The following COL9A1 variants were observed in gnomAD, a reference collection of about 807,000 sequenced individuals.
COL9A1 encodes collagen type IX alpha 1 chain.
COL9A1 carries 104 observed loss-of-function variants against 142.6 expected under a neutral mutation model. The ratio of observed to expected loss-of-function variants is 0.73; its 90% CI spans 0.62 to 0.86. The LOEUF (loss-of-function observed/expected upper bound fraction) is 0.86. Among genes scored for constraint, COL9A1 ranks in the 40% least tolerant of loss-of-function variants. COL9A1 has a pLI of 0.00. For synonymous variants in COL9A1, 466 were observed against 396.0 expected, an observed-to-expected ratio of 1.18 and a Z score of -2.10; for missense variants, 1,210 against 1,176.6, an observed-to-expected ratio of 1.03 and a Z score of -0.42.
At chr6:70,257,520 G>C (rs976933578) in intron 20 of COL9A1, among the ~76,000 whole-genome samples, 5 of 152,242 alleles carry the variant, frequency 3.3e-5, no homozygotes, top group Non-Finnish European at 7.4e-5. Context: ...ACCGCCAGGT[G>C]GGGGGATCAC....
At chr6:70,224,937 C>T (rs1562286436) in intron 37 of COL9A1, among the ~76,000 whole-genome samples, 1 of 152,134 alleles carries the variant, frequency 6.6e-6, no homozygotes, top group Non-Finnish European at 1.5e-5. Context: ...TCCCCAGAAG[C>T]AATGAAATGG....
At chr6:70,254,233 A>G (rs1771126190) in intron 25 of COL9A1, among the ~76,000 whole-genome samples, 2 of 152,216 alleles carry the variant, frequency 1.3e-5, no homozygotes, top group Non-Finnish European at 2.9e-5. Flanking sequence ...GACTGAGTAA[A>G]CTAAAGAGAG....
intron 28 of COL9A1, among the ~76,000 whole-genome samples, chr6:70,251,558 A>G (rs1266527516): frequency 6.6e-6 from 1 of 152,204 alleles, no homozygotes; most frequent in Admixed American, 6.5e-5. Context: ...TAAAAAATTA[A>G]CTATTTATTT....
At chr6:70,264,012 T>C (rs1264117265) in intron 18 of COL9A1, among the ~76,000 whole-genome samples, 1 of 151,938 alleles carries the variant, frequency 6.6e-6, no homozygotes, top group Non-Finnish European at 1.5e-5. Context: ...TAATAGATTC[T>C]CTCCACACAG....
intron 33 of COL9A1, among the ~76,000 whole-genome samples, chr6:70,236,127 A>C (rs955842839): frequency 1.3e-5 from 2 of 150,970 alleles, no homozygotes; most frequent in Non-Finnish European, 1.5e-5. Flanking sequence ...AAAAAAAAAA[A>C]AAAAAAAAAA....
At chr6:70,294,040 C>G in intron 5 of COL9A1, 127 bp downstream of exon 5, 2 of 1,304,036 alleles carry the variant, frequency 1.5e-6, no homozygotes, top group Non-Finnish European at 2.2e-6. Flanking sequence ...ATCTACTTAA[C>G]TTCCTCTGAT....
intron 20 of COL9A1, chr6:70,258,651 A>C (rs1771482899): frequency 6.7e-6 from 1 of 148,946 alleles, no homozygotes; most frequent in African/African-American, 2.4e-5. Flanking sequence ...CGTGGCTTTG[A>C]TGCACTCTCT....
chr6:70,265,921 T>A (rs931775506), intron 18 of COL9A1, among the ~76,000 whole-genome samples: 1 of 152,126 alleles, frequency 6.6e-6, no homozygotes, highest in Admixed American at 6.5e-5. Context: ...TAGACTAACC[T>A]TCTATCACTA....
At chr6:70,244,548 TTAA>T (rs1286617773) in intron 28 of COL9A1, among the ~76,000 whole-genome samples, 1 of 152,188 alleles carries the variant, frequency 6.6e-6, no homozygotes, top group Non-Finnish European at 1.5e-5. Context: ...CACAGAACAA[TTAA>T]TAGTAATTGG....
chr6:70,282,751 C>A, intron 7 of COL9A1, 147 bp downstream of exon 7: 1 of 1,229,226 alleles, frequency 8.1e-7, no homozygotes, highest in East Asian at 2.5e-5. Flanking sequence ...CGATAGGACT[C>A]GCGGCAGGTG....
intron 20 of COL9A1, among the ~76,000 whole-genome samples, chr6:70,257,259 C>T (rs1359683580): frequency 6.6e-6 from 1 of 151,954 alleles, no homozygotes; most frequent in African/African-American, 2.4e-5. Flanking sequence ...TGGGATTTCA[C>T]CATGTTGGCC....
chr6:70,300,050 G>C lies in COL9A1; in HGVS notation c.292C>G (p.Pro98Ala). ...KLGNNVDFRI[P>A]TRNLYPSGLP... ...ATATTTTTGATAGATTACCTAGTTG[G>C]AATCCTGAAGTCTACATTATTTCCC... The change falls in exon 4 of 38, where the codon CCA becomes GCA. Residue 98 changes from proline to alanine, a missense_variant. By Grantham distance (27) the Pro-to-Ala change is conservative. Coordinates refer to ENST00000357250, the MANE Select transcript of COL9A1 (RefSeq NM_001851.6). The C allele has an allele frequency of 6.2e-7, 1 of 1,613,630 alleles. No individual in the cohort carries two copies. Among genetic ancestry groups the C allele is most frequent in the Non-Finnish European group, 8.5e-7 (1 of 1,179,700 alleles).
chr6:70,294,437 A>G lies in COL9A1; in HGVS notation c.426T>C (p.Val142=). ...GTGTTTGGCCATTAATCTTTATGCC[A>G]ACTTGCTCCTTCCCAGAGGAATCCT... ...QIQDSSGKEQ[V]GIKINGQTQS... The change falls in exon 5 of 38, where the codon GTT becomes GTC. Residue 142 remains valine (V), a synonymous_variant. Coordinates refer to ENST00000357250, the MANE Select transcript of COL9A1 (RefSeq NM_001851.6). 6.2e-7 allele frequency: 1 copy of G among 1,614,110 alleles called. No individual in the cohort carries two copies.
At position 70,242,704 on chromosome 6, in the gene COL9A1, T is replaced by G; in HGVS notation, c.1884A>C (p.Gly628=). 6.2e-7 allele frequency: 1 copy of G among 1,614,134 alleles called. No individual in the cohort carries two copies. Among genetic ancestry groups the G allele is most frequent in the East Asian group, 2.2e-5 (1 of 44,878 alleles). Residue 628 remains glycine, a synonymous_variant, in exon 29 of 38, where the codon GGA becomes GGC. Transcript: ENST00000357250. ...CTGGGGATCCCACTGGTCCTAATTC[T>G]CCTCTACTGCCCTGTAAAAACACAA... ...RGPQGLPGSR[G]ELGPVGSPGL...
intron 37 of COL9A1, among the ~76,000 whole-genome samples, chr6:70,219,569 G>A (rs1353229261): frequency 6.6e-6 from 1 of 152,310 alleles, no homozygotes; most frequent in Non-Finnish European, 1.5e-5. Context: ...TTTACCAGAT[G>A]AAAACGTAAA....
chr6:70,294,584 G>A (rs1389139301), intron 4 of COL9A1, 21 bp from the exon 5 acceptor site: 2 of 1,611,790 alleles, frequency 1.2e-6, no homozygotes, highest in Admixed American at 1.7e-5. Flanking sequence ...TTTTTAAATA[G>A]TAAACATGCA....
chr6:70,252,463 T>C, intron 26 of COL9A1, 148 bp from the exon 27 acceptor site: 1 of 741,696 alleles, frequency 1.3e-6, no homozygotes, highest in Non-Finnish European at 2.4e-6. Context: ...AGAATCTCTT[T>C]CTTGTTAGAT....
At chr6:70,263,330 C>T in intron 18 of COL9A1, 33 bp from the exon 19 acceptor site, 1 of 1,583,996 alleles carries the variant, frequency 6.3e-7, no homozygotes, top group Non-Finnish European at 8.6e-7. Flanking sequence ...AAAAGCACAC[C>T]AAATGTTATT....
chr6:70,220,725 A>C (rs1043872824), intron 37 of COL9A1, among the ~76,000 whole-genome samples: 13 of 152,150 alleles, frequency 8.5e-5, no homozygotes, highest in Non-Finnish European at 8.8e-5. Flanking sequence ...ACTCATAATA[A>C]CGGTTCACAA....
Sources: gnomAD v4.1 joint callset for allele counts (sites outside exome capture counted in the v4.1 genomes callset) on GRCh38, gnomAD v4.1.1 for gene constraint, MANE v1.5 for transcripts, NCBI Gene and HGNC (gene_info 2026-07-23, HGNC 2026-07-21) for gene names.